Variants in PTBP3 observed in about 807,000 individuals in gnomAD.
PTBP3 encodes polypyrimidine tract binding protein 3, also known as polypyrimidine tract-binding protein 3.
Under a neutral mutation model 58.7 loss-of-function variants are expected in PTBP3, and 20 were observed. The ratio of observed to expected loss-of-function variants is 0.34; its 90% CI spans 0.24 to 0.50. The LOEUF (loss-of-function observed/expected upper bound fraction) is 0.50, where lower values mean the gene tolerates loss of function less well. Among genes scored for constraint, PTBP3 ranks in the 20% least tolerant of loss-of-function variants. The pLI is 0.98. For missense variants in PTBP3, 509 were observed against 637.2 expected (o/e 0.80, Z 2.17); for synonymous variants, 185 against 219.8 (o/e 0.84, Z 1.40).
At chr9:112,344,970 C>T in the PTBP3 span, among the ~76,000 whole-genome samples, 331 of 152,128 alleles carry the variant, frequency 2.2e-3, 1 homozygote, top group Non-Finnish European at 3.5e-3. Flanking sequence ...CCCATCTCTA[C>T]TAAAAATACA....
chr9:112,324,565 G>A (rs148604403), intron 1 of PTBP3, among the ~76,000 whole-genome samples: 2,823 of 152,060 alleles, frequency 0.019, 103 homozygotes, highest in African/African-American at 0.065. Context: ...CACGAGAATC[G>A]CTTGAACCTG....
chr9:112,293,821 T>C (rs1828550588), intron 2 of PTBP3, among the ~76,000 whole-genome samples: 3 of 152,214 alleles, frequency 2.0e-5, no homozygotes, highest in Admixed American at 2.0e-4. Flanking sequence ...GAGAAGGTAG[T>C]CGTGTTGAGG....
intron 1 of PTBP3, among the ~76,000 whole-genome samples, chr9:112,312,496 T>TTTTG (rs1829528171): frequency 2.0e-5 from 3 of 146,762 alleles, no homozygotes; most frequent in African/African-American, 7.6e-5. Flanking sequence ...TTGTTTTTTT[T>TTTTG]TTTTAAAAAA....
intron 2 of PTBP3, among the ~76,000 whole-genome samples, chr9:112,286,225 T>C (rs2132257381): frequency 6.6e-6 from 1 of 152,320 alleles, no homozygotes; most frequent in African/African-American, 2.4e-5. Context: ...CTTATACACA[T>C]CAAGTAACTC....
At chr9:112,362,848 A>G in the PTBP3 span, 4 of 329,598 alleles carry the variant, frequency 1.2e-5, no homozygotes, top group Non-Finnish European at 5.8e-6. Flanking sequence ...GCGTTCATAG[A>G]AGATTCAAGG....
rs1460479446 is a variant in PTBP3 at position 112,223,247 on chromosome 9, GA to G, written c.*603del. Reference sequence around the variant, plus strand: ...ATTATTTAAAGGAGTGTCTTACAGTGAAAAAAAGAAATCATTCAAAGAAAAC... The same window carrying G: ...ATTATTTAAAGGAGTGTCTTACAGTGAAAAAAGAAATCATTCAAAGAAAAC... On this transcript the variant is annotated 3_prime_UTR_variant, in exon 14 of 14. Transcript: ENST00000374257. 1 of 941,488 alleles carries G rather than the reference GA, an allele frequency of 1.1e-6. No homozygotes were observed. The highest frequency in any genetic ancestry group is 1.3e-6 in the Non-Finnish European group (1 of 789,760). 58.3% of individuals were successfully genotyped at this position (941,488 alleles called of 1,614,324 possible). A position where few individuals can be genotyped will look rare whatever the true frequency, so the allele number is the denominator to read the frequency against.
chr9:112,351,241 C>A, the PTBP3 span, among the ~76,000 whole-genome samples: 1 of 152,258 alleles, frequency 6.6e-6, no homozygotes, highest in East Asian at 1.9e-4. Flanking sequence ...TTCTCACTTG[C>A]CTCGTTTGTG....
chr9:112,294,387 A>C (rs1473820012), intron 2 of PTBP3, among the ~76,000 whole-genome samples: 2 of 152,204 alleles, frequency 1.3e-5, no homozygotes, highest in East Asian at 3.9e-4. Context: ...GTGTGGTGGC[A>C]CATGCCTGTA....
At chr9:112,321,276 A>T (rs1015863597) in intron 1 of PTBP3, among the ~76,000 whole-genome samples, 1 of 152,158 alleles carries the variant, frequency 6.6e-6, no homozygotes, top group Non-Finnish European at 1.5e-5. Context: ...TCATACCTGT[A>T]ATCCAGCACT....
chr9:112,244,182 C>G (rs867317052), intron 7 of PTBP3, among the ~76,000 whole-genome samples: 3 of 148,536 alleles, frequency 2.0e-5, no homozygotes, highest in Admixed American at 1.4e-4. Flanking sequence ...GTCCCAGCTT[C>G]GGGAGGCTGA....
At chr9:112,326,073 TAAA>T (rs1326874733) in intron 1 of PTBP3, among the ~76,000 whole-genome samples, 6 of 152,198 alleles carry the variant, frequency 3.9e-5, no homozygotes, top group Non-Finnish European at 7.3e-5. Flanking sequence ...AAGAGCTGCC[TAAA>T]CTGGGTCTGG....
chr9:112,366,265 G>C, the PTBP3 span, among the ~76,000 whole-genome samples: 34,918 of 140,220 alleles, frequency 0.25, 4,403 homozygotes, highest in East Asian at 0.37. Flanking sequence ...CTGGGCAATA[G>C]AGTAAGACTC....
At position 112,237,835 on chromosome 9, in the gene PTBP3, T is replaced by C. The variant is rs530979196; in HGVS notation, c.803-2938A>G. Among the ~76,000 whole-genome samples, 49 of 152,340 alleles carry C rather than the reference T, an allele frequency of 3.2e-4. 1 individual carries two copies. The highest frequency in any genetic ancestry group is 6.6e-4 in the Non-Finnish European group (45 of 68,030). ...ATCTTCAAAAGACTACAAGGAAGGT[T>C]TGCTTTGTGACCAGCAGAGAAGGGA... On this transcript the variant is annotated intron_variant, in intron 7 of 13. Transcript: ENST00000374257.
chr9:112,290,705 TATACACACAC>T (rs1828373753), intron 2 of PTBP3, among the ~76,000 whole-genome samples: 1 of 72,998 alleles, frequency 1.4e-5, no homozygotes, highest in African/African-American at 4.7e-5. Flanking sequence ...TATATATATA[TATACACACAC>T]ACACACACAC....
In PTBP3 at chr9:112,251,013, CATT is replaced by C; in HGVS notation, c.715_717del (p.Asn239del). The C allele has an allele frequency of 6.2e-7, 1 of 1,612,268 alleles. No individual in the cohort carries two copies. Among genetic ancestry groups the C allele is most frequent in the Non-Finnish European group, 8.5e-7 (1 of 1,179,086 alleles). ...AAGCGAGTGAAGTCTCTGCTTTTGT[CATT>C]ATTATATTTCACATTAAGGCTGGTG... On this transcript the variant is annotated inframe_deletion, in exon 7 of 14. Transcript: ENST00000374257.
chr9:112,364,554 G>A, the PTBP3 span, among the ~76,000 whole-genome samples: 1 of 152,192 alleles, frequency 6.6e-6, no homozygotes, highest in Admixed American at 6.5e-5. Context: ...GATAGCTTGA[G>A]CCTAGGCGTC....
At chr9:112,353,538 G>A in the PTBP3 span, among the ~76,000 whole-genome samples, 6 of 151,648 alleles carry the variant, frequency 4.0e-5, no homozygotes, top group South Asian at 8.3e-4. Context: ...GAGCCACCGC[G>A]CCTGGCCTCT....
At chr9:112,282,843 A>G (rs539213542) in intron 2 of PTBP3, among the ~76,000 whole-genome samples, 2 of 152,260 alleles carry the variant, frequency 1.3e-5, no homozygotes, top group South Asian at 2.1e-4. Flanking sequence ...AATCTCATCT[A>G]GAATTGTAAT....
At chr9:112,291,726 A>T (rs971415858) in intron 2 of PTBP3, among the ~76,000 whole-genome samples, 8 of 152,202 alleles carry the variant, frequency 5.3e-5, no homozygotes, top group Admixed American at 2.6e-4. Flanking sequence ...ACTCAAAATG[A>T]ATTAAAGGCC....
Sources: allele counts gnomAD v4.1 joint callset (sites outside exome capture counted in the v4.1 genomes callset), GRCh38; gene constraint gnomAD v4.1.1; transcripts MANE v1.5; gene names NCBI Gene and HGNC (gene_info 2026-07-23, HGNC 2026-07-21).